The following IFT43 variants were observed in gnomAD, a reference collection of about 807,000 sequenced individuals.
The protein encoded by IFT43 is intraflagellar transport 43.
IFT43 carries 33 observed loss-of-function variants against 32.3 expected under a neutral mutation model. The ratio of observed to expected loss-of-function variants is 1.02; its 90% CI spans 0.77 to 1.37. The LOEUF (loss-of-function observed/expected upper bound fraction) is 1.37. Ranked by LOEUF, IFT43 falls within the 40% of genes most tolerant of loss-of-function variation. IFT43 has a pLI of 0.00. For missense variants in IFT43, 274 were observed against 265.9 expected (o/e 1.03, Z -0.21); for synonymous variants, 93 against 98.2 (o/e 0.95, Z 0.31).
chr14:76,000,900 C>T lies in IFT43; in HGVS notation c.147+11923C>T, dbSNP rs563669996. Among the ~76,000 whole-genome samples the T allele has an allele frequency of 7.9e-5, 12 of 152,274 alleles. No individual in the cohort carries two copies. The South Asian group carries it at 2.5e-3, about 32-fold the overall frequency. On this transcript the variant is annotated intron_variant, in intron 2 of 8. Transcript: ENST00000314067. ...GATAATTATTTCAATTTGGGACATGCTGAATTTGAGTTGCCTTCAGGATTT... is the reference window on the plus strand; with the variant it reads ...GATAATTATTTCAATTTGGGACATGTTGAATTTGAGTTGCCTTCAGGATTT...
intron 2 of IFT43, among the ~76,000 whole-genome samples, chr14:76,016,106 TCTC>T (rs1767015596): frequency 6.6e-6 from 1 of 152,236 alleles, no homozygotes. Flanking sequence ...GCAGATATCT[TCTC>T]CTATAGTTTA....
intron 5 of IFT43, 52 bp downstream of exon 5, chr14:76,059,425 A>G (rs774545926): frequency 6.4e-7 from 1 of 1,553,380 alleles, no homozygotes; most frequent in Admixed American, 1.7e-5. Flanking sequence ...GCCCCAGAAC[A>G]TTTCCTGGGC....
rs1038749418 is a variant in IFT43, at chr14:76,058,527, A to G, written c.216-115A>G. ...TCTCTAAAGAGGACTGCAGACAAAT[A>G]AAGCACTTGAGATATACTAATTTGC... On this transcript the variant is annotated intron_variant, in intron 3 of 8. Coordinates refer to ENST00000314067, the MANE Select transcript of IFT43 (RefSeq NM_001102564.3). The G allele has an allele frequency of 5.6e-6, 7 of 1,240,882 alleles. No homozygotes were observed. The African/African-American group carries it at 1.1e-4, about 19-fold the overall frequency. 76.9% of individuals were successfully genotyped at this position (1,240,882 alleles called of 1,614,324 possible).
chr14:76,052,537 C>G (rs1344921054), intron 3 of IFT43, among the ~76,000 whole-genome samples: 1 of 152,186 alleles, frequency 6.6e-6, no homozygotes, highest in Non-Finnish European at 1.5e-5. Flanking sequence ...GAGACAGACC[C>G]TGCAGGCAGG....
At chr14:76,071,302 C>T (rs1279171838) in intron 5 of IFT43, among the ~76,000 whole-genome samples, 1 of 152,120 alleles carries the variant, frequency 6.6e-6, no homozygotes, top group African/African-American at 2.4e-5. Flanking sequence ...TTTGTGTTTA[C>T]CGTGAGCCAG....
At chr14:76,069,884 G>A (rs1363480661) in intron 5 of IFT43, among the ~76,000 whole-genome samples, 2 of 152,026 alleles carry the variant, frequency 1.3e-5, no homozygotes, top group Non-Finnish European at 2.9e-5. Context: ...GGAGAGGGCT[G>A]TGCTCCTTTG....
intron 5 of IFT43, among the ~76,000 whole-genome samples, chr14:76,067,824 A>G (rs1479764886): frequency 4.6e-5 from 7 of 152,232 alleles, no homozygotes; most frequent in Non-Finnish European, 8.8e-5. Flanking sequence ...TGGTGAACCC[A>G]GAGAGGAGAT....
intron 2 of IFT43, among the ~76,000 whole-genome samples, chr14:75,994,314 G>A (rs2035701848): frequency 6.6e-6 from 1 of 152,082 alleles, no homozygotes; most frequent in South Asian, 2.1e-4. Context: ...GATGCCTGTG[G>A]TTTGGTCCAG....
At chr14:76,067,063 G>C (rs1476730440) in intron 5 of IFT43, among the ~76,000 whole-genome samples, 2 of 152,042 alleles carry the variant, frequency 1.3e-5, no homozygotes, top group African/African-American at 4.8e-5. Context: ...TCTTTCTTTC[G>C]GTCTTTCATA....
intron 2 of IFT43, among the ~76,000 whole-genome samples, chr14:75,995,254 C>A (rs759607486): frequency 8.5e-5 from 13 of 152,142 alleles, no homozygotes; most frequent in Non-Finnish European, 1.5e-4. Context: ...ACCTCTCCTA[C>A]CTGCTAGATG....
chr14:76,007,289 A>T (rs1253088295), intron 2 of IFT43, among the ~76,000 whole-genome samples: 1 of 152,218 alleles, frequency 6.6e-6, no homozygotes, highest in Non-Finnish European at 1.5e-5. Context: ...TAAGAACTGC[A>T]GTGTGAAACC....
At chr14:76,065,367 A>G (rs918602299) in intron 5 of IFT43, among the ~76,000 whole-genome samples, 2 of 152,240 alleles carry the variant, frequency 1.3e-5, no homozygotes, top group Non-Finnish European at 2.9e-5. Flanking sequence ...CCTGGTTTGT[A>G]TACAATAAAC....
chr14:76,062,302 C>T (rs1309150307), intron 5 of IFT43, among the ~76,000 whole-genome samples: 1 of 151,834 alleles, frequency 6.6e-6, no homozygotes, highest in Non-Finnish European at 1.5e-5. Flanking sequence ...GATCTCCTGA[C>T]TTCGTGATCC....
chr14:76,016,452 A>G (rs1343397479), intron 2 of IFT43, among the ~76,000 whole-genome samples: 1 of 152,102 alleles, frequency 6.6e-6, no homozygotes, highest in Non-Finnish European at 1.5e-5. Flanking sequence ...TGGTTACTAT[A>G]GCTTTGTAGT....
rs563864721 is a variant in IFT43 at position 76,073,922 on chromosome 14, T to C, written c.296-8373T>C. Among the ~76,000 whole-genome samples, 8 of 152,266 alleles carry C rather than the reference T, an allele frequency of 5.3e-5. No homozygotes were observed. In the East Asian group the frequency reaches 1.5e-3, roughly 29 times the overall value. On this transcript the variant is annotated intron_variant, in intron 5 of 8. Coordinates refer to ENST00000314067, the MANE Select transcript of IFT43 (RefSeq NM_001102564.3). The stretch of plus-strand genomic sequence containing the variant: ...GCAGTAAGACTCCTCATCTGTCTTA[T>C]GAAAATTCGATTCCGAGTGGCTGTG...
intron 3 of IFT43, among the ~76,000 whole-genome samples, chr14:76,040,584 G>T (rs1477870728): frequency 6.6e-6 from 1 of 152,186 alleles, no homozygotes; most frequent in Non-Finnish European, 1.5e-5. Flanking sequence ...TATGTTCATT[G>T]CAGTTTAAGG....
chr14:76,041,903 A>G (rs1441095655), intron 3 of IFT43, among the ~76,000 whole-genome samples: 3 of 152,318 alleles, frequency 2.0e-5, no homozygotes, highest in Admixed American at 2.0e-4. Flanking sequence ...GTACAGATGC[A>G]CTATTCCCCT....
At chr14:76,015,153 T>G (rs2036161384) in intron 2 of IFT43, among the ~76,000 whole-genome samples, 1 of 152,226 alleles carries the variant, frequency 6.6e-6, no homozygotes, top group African/African-American at 2.4e-5. Context: ...AGTTATTAAT[T>G]AAGTCCGTCT....
chr14:75,996,365 T>G (rs59062217), intron 2 of IFT43, among the ~76,000 whole-genome samples: 1 of 152,362 alleles, frequency 6.6e-6, no homozygotes, highest in East Asian at 1.9e-4. Flanking sequence ...TAGTAGTATC[T>G]ATCTCATTGG....
Sources: allele counts gnomAD v4.1 joint callset (sites outside exome capture counted in the v4.1 genomes callset), GRCh38; gene constraint gnomAD v4.1.1; transcripts MANE v1.5; gene names NCBI Gene and HGNC (gene_info 2026-07-23, HGNC 2026-07-21).